Variants in NCKAP5 observed in about 807,000 individuals in gnomAD.
The protein encoded by NCKAP5 is NCK associated protein 5.
NCKAP5 carries 92 observed loss-of-function variants against 167.0 expected under a neutral mutation model. The ratio of observed to expected loss-of-function variants is 0.55; its 90% CI spans 0.47 to 0.66. The LOEUF (loss-of-function observed/expected upper bound fraction) is 0.66. Among genes scored for constraint, NCKAP5 ranks in the 30% least tolerant of loss-of-function variants. The probability of loss-of-function intolerance (pLI) is 0.00; values close to 1 mark genes in which losing one functional copy is unlikely to be tolerated. For synonymous variants in NCKAP5, 891 were observed against 877.4 expected, an observed-to-expected ratio of 1.02 and a Z score of -0.27; for missense variants, 2,378 against 2,315.0, an observed-to-expected ratio of 1.03 and a Z score of -0.56.
At chr2:133,635,050 T>G in the NCKAP5 span, among the ~76,000 whole-genome samples, 1 of 152,024 alleles carries the variant, frequency 6.6e-6, no homozygotes, top group Non-Finnish European at 1.5e-5. Flanking sequence ...ATTTTTGTAT[T>G]TTTAGTAGAA....
intron 5 of NCKAP5, among the ~76,000 whole-genome samples, chr2:133,159,910 C>A (rs1239053947): frequency 6.6e-6 from 1 of 151,990 alleles, no homozygotes; most frequent in African/African-American, 2.4e-5. Context: ...AGGGGTCACT[C>A]TAGGCAAAAG....
At chr2:132,823,124 T>G (rs1686877817) in intron 11 of NCKAP5, among the ~76,000 whole-genome samples, 1 of 152,028 alleles carries the variant, frequency 6.6e-6, no homozygotes, top group Non-Finnish European at 1.5e-5. Context: ...TTTGGAAAAC[T>G]TATTTGTGGG....
chr2:133,434,304 G>T (rs1690337118), intron 3 of NCKAP5, among the ~76,000 whole-genome samples: 1 of 152,164 alleles, frequency 6.6e-6, no homozygotes, highest in Non-Finnish European at 1.5e-5. Context: ...TATAGAGAGA[G>T]CTAAATGTTA....
At chr2:133,052,096 G>T (rs1054527560) in intron 6 of NCKAP5, among the ~76,000 whole-genome samples, 1 of 152,280 alleles carries the variant, frequency 6.6e-6, no homozygotes. Flanking sequence ...ATTTGTCATT[G>T]GTTGTCATTG....
At chr2:132,845,630 T>C (rs549267655) in intron 11 of NCKAP5, among the ~76,000 whole-genome samples, 4 of 152,170 alleles carry the variant, frequency 2.6e-5, no homozygotes, top group Non-Finnish European at 4.4e-5. Context: ...AATCTATTTA[T>C]TTCTTCTTGG....
intron 3 of NCKAP5, among the ~76,000 whole-genome samples, chr2:133,380,813 G>C (rs2150947635): frequency 6.6e-6 from 1 of 152,308 alleles, no homozygotes; most frequent in East Asian, 1.9e-4. Flanking sequence ...ACTTGGAGAA[G>C]CACCAGTTTA....
At chr2:133,059,459 T>C (rs760829522) in intron 6 of NCKAP5, among the ~76,000 whole-genome samples, 2 of 152,062 alleles carry the variant, frequency 1.3e-5, no homozygotes, top group Non-Finnish European at 2.9e-5. Flanking sequence ...GGCAAATCAC[T>C]TGAGCCCAGG....
At chr2:133,603,956 T>C in the NCKAP5 span, among the ~76,000 whole-genome samples, 1 of 152,228 alleles carries the variant, frequency 6.6e-6, no homozygotes, top group African/African-American at 2.4e-5. Context: ...CTAGGTACTC[T>C]CAGGGGCCGG....
chr2:133,103,624 T>C lies in NCKAP5; in HGVS notation c.341+26354A>G, dbSNP rs556184333. Among the ~76,000 whole-genome samples, 294 of 152,184 alleles carry C rather than the reference T, an allele frequency of 1.9e-3. 1 individual carries two copies. The highest frequency in any genetic ancestry group is 6.4e-3 in the African/African-American group (267 of 41,524). On this transcript the variant is annotated intron_variant, in intron 6 of 19. Transcript: ENST00000409261. ...GCCTGGTGAAGACAGCAAGACCCTG[T>C]CTCTACAAAGTTAAAAAATTGACTG...
intron 19 of NCKAP5, among the ~76,000 whole-genome samples, chr2:132,720,518 G>A (rs10211636): frequency 1.3e-5 from 2 of 152,110 alleles, no homozygotes; most frequent in African/African-American, 4.8e-5. Context: ...GGAATGTGGG[G>A]CCACAGCCCA....
the NCKAP5 span, among the ~76,000 whole-genome samples, chr2:133,578,579 G>A: frequency 6.6e-6 from 1 of 152,170 alleles, no homozygotes; most frequent in Non-Finnish European, 1.5e-5. Flanking sequence ...ACTGATTCCA[G>A]TCACTCCAAG....
chr2:132,873,364 C>T lies in NCKAP5; in HGVS notation c.649-4390G>A, dbSNP rs186316083. Among the ~76,000 whole-genome samples the T allele has an allele frequency of 3.5e-3, 536 of 152,276 alleles. 2 individuals are homozygous for T. The highest frequency in any genetic ancestry group is 6.8e-3 in the Middle Eastern group (2 of 292). On this transcript the variant is annotated intron_variant, in intron 9 of 19. Coordinates refer to ENST00000409261, the MANE Select transcript of NCKAP5 (RefSeq NM_207363.3). ...TCCTGACCTCATGATCCGCCCGCCT[C>T]GGCCTCCCAAAGAGCTGGGATTACA... is the stretch of plus-strand genomic sequence containing the variant.
chr2:132,839,935 G>T (rs899399984), intron 11 of NCKAP5, among the ~76,000 whole-genome samples: 2 of 152,084 alleles, frequency 1.3e-5, no homozygotes, highest in Admixed American at 1.3e-4. Flanking sequence ...ATAAGGAAAA[G>T]AAAATATATT....
chr2:133,111,394 G>A (rs1293609172), intron 6 of NCKAP5, among the ~76,000 whole-genome samples: 1 of 152,154 alleles, frequency 6.6e-6, no homozygotes, highest in Non-Finnish European at 1.5e-5. Flanking sequence ...CAGCCAACAA[G>A]CACTACTGAC....
At chr2:133,660,698 T>G in the NCKAP5 span, among the ~76,000 whole-genome samples, 3 of 131,036 alleles carry the variant, frequency 2.3e-5, no homozygotes, top group South Asian at 6.8e-4. Context: ...CGAAACATTG[T>G]GTGAGTCAGC....
intron 5 of NCKAP5, among the ~76,000 whole-genome samples, chr2:133,188,381 A>T (rs1163022182): frequency 1.3e-5 from 2 of 152,100 alleles, no homozygotes; most frequent in African/African-American, 4.8e-5. Context: ...TCAACGAGAC[A>T]GAAAGTTAAC....
intron 10 of NCKAP5, among the ~76,000 whole-genome samples, chr2:132,866,163 G>C (rs16842760): frequency 0.27 from 41,243 of 152,082 alleles, 6,044 homozygotes; most frequent in East Asian, 0.45. Flanking sequence ...ATAAGCCTGA[G>C]ACTGTTCATA....
At chr2:133,284,592 T>C (rs1056524711) in intron 4 of NCKAP5, 2 of 152,198 alleles carry the variant, frequency 1.3e-5, no homozygotes, top group Non-Finnish European at 2.9e-5. Context: ...CATGAGAAAT[T>C]GCTAGGTTCC....
intron 5 of NCKAP5, among the ~76,000 whole-genome samples, chr2:133,133,288 G>T (rs1226550840): frequency 1.3e-5 from 2 of 152,208 alleles, no homozygotes; most frequent in Admixed American, 6.5e-5. Flanking sequence ...CTCTCTTTCT[G>T]CAGAGCCACT....
Sources: gnomAD v4.1 joint callset for allele counts (sites outside exome capture counted in the v4.1 genomes callset) on GRCh38, gnomAD v4.1.1 for gene constraint, MANE v1.5 for transcripts, NCBI Gene and HGNC (gene_info 2026-07-23, HGNC 2026-07-21) for gene names.